The following STK38 variants were observed in gnomAD, a reference collection of about 807,000 sequenced individuals.
STK38 encodes the protein serine/threonine kinase 38.
Under a neutral mutation model 59.0 loss-of-function variants are expected in STK38, and 26 were observed. The ratio of observed to expected loss-of-function variants is 0.44; its 90% CI spans 0.32 to 0.61. The LOEUF (loss-of-function observed/expected upper bound fraction) is 0.61, where lower values mean the gene tolerates loss of function less well. Among genes scored for constraint, STK38 ranks in the 20% least tolerant of loss-of-function variants. The probability of loss-of-function intolerance (pLI) is 0.04; values close to 1 mark genes in which losing one functional copy is unlikely to be tolerated. For missense variants in STK38, 433 were observed against 566.0 expected, an observed-to-expected ratio of 0.76 and a Z score of 2.38; for synonymous variants, 175 against 176.6, an observed-to-expected ratio of 0.99 and a Z score of 0.07.
chr6:36,545,289 GAAAAAAA>G (rs58104312), intron 1 of STK38, among the ~76,000 whole-genome samples: 142 of 60,526 alleles, frequency 2.3e-3, no homozygotes, highest in Non-Finnish European at 3.6e-3. Flanking sequence ...ACTCCGTCTG[GAAAAAAA>G]AAAAAAAAAA....
At chr6:36,522,788 G>A (rs369248201) in intron 4 of STK38, among the ~76,000 whole-genome samples, 24 of 145,604 alleles carry the variant, frequency 1.6e-4, no homozygotes, top group African/African-American at 4.6e-4. Flanking sequence ...CCCGAGAGGC[G>A]GAGGTTGCAG....
rs1247108182 is a variant in STK38 at position 36,494,539 on chromosome 6, G to A, written c.*1245C>T. ...AGAAGGCACTTTGTGCTAAAATTCA[G>A]AGGGTCTCTCAAGAGAGAACGCCAC... On this transcript the variant is annotated 3_prime_UTR_variant, in exon 14 of 14. Transcript: ENST00000229812. 1 of 152,688 alleles carries A rather than the reference G, an allele frequency of 6.5e-6. No individual in the cohort carries two copies. Among genetic ancestry groups the A allele is most frequent in the African/African-American group, 2.4e-5 (1 of 41,466 alleles). 9.5% of individuals were successfully genotyped at this position (152,688 alleles called of 1,614,324 possible).
intron 10 of STK38, among the ~76,000 whole-genome samples, chr6:36,499,628 G>C (rs1341015590): frequency 1.3e-5 from 2 of 152,154 alleles, no homozygotes; most frequent in African/African-American, 2.4e-5. Flanking sequence ...AGATGGAGAA[G>C]ATGAAGGTAT....
intron 2 of STK38, among the ~76,000 whole-genome samples, chr6:36,536,492 C>A (rs996678467): frequency 5.9e-5 from 9 of 152,030 alleles, no homozygotes; most frequent in Non-Finnish European, 1.3e-4. Context: ...CATAGCAAGA[C>A]CTTGACTCTA....
rs375097543 is a variant in STK38 at position 36,521,829 on chromosome 6, T to C, written c.307-12A>G. 5 of 1,606,124 alleles carry C rather than the reference T, an allele frequency of 3.1e-6. No homozygotes were observed. In the African/African-American group the frequency reaches 5.4e-5, roughly 17 times the overall value. On this transcript the variant is annotated splice_polypyrimidine_tract_variant and intron_variant, in intron 4 of 13. Transcript: ENST00000229812. ...TGAACAAGCCGTACCTAAAAAGTTA[T>C]AAAAGAAATGCCAAGTCAAAAACTC...
chr6:36,498,356 C>T lies in STK38; in HGVS notation c.1076+7G>A. 1 of 1,609,574 alleles carries T rather than the reference C, an allele frequency of 6.2e-7. No individual in the cohort carries two copies. Among genetic ancestry groups the T allele is most frequent in the Non-Finnish European group, 8.5e-7 (1 of 1,178,978 alleles). On this transcript the variant is annotated splice_region_variant and intron_variant, in intron 11 of 13. Coordinates refer to ENST00000229812, the MANE Select transcript of STK38 (RefSeq NM_007271.4). The stretch of plus-strand genomic sequence containing the variant: ...GAGAAAGAAGGTGGAGGGATGTTCT[C>T]TAATACCTCAAAATTAGATCCTTGG...
Position 36,540,171 on chromosome 6 carries a change from G to T in STK38, c.32C>A (p.Ser11Tyr), listed in dbSNP as rs1777897499. Residue 11 changes from serine (S) to tyrosine (Y), a missense_variant, in exon 2 of 14, where the codon TCC becomes TAC. By Grantham distance (144) the Ser-to-Tyr change is moderately radical. Around this residue, in one of 3 missense-constraint regions of STK38, gnomAD observed 293 missense variants for 388.2 expected, o/e 0.75. Coordinates refer to ENST00000229812, the MANE Select transcript of STK38 (RefSeq NM_007271.4). ...CCTTTCCTTTGTGTGGTTACTCATGGATGAGCAAGGTGTTGAGCCTGTCAT... is the reference window on the plus strand; with the variant it reads ...CCTTTCCTTTGTGTGGTTACTCATGTATGAGCAAGGTGTTGAGCCTGTCAT... MAMTGSTPCSSMSNHTKERVT... is the reference protein window; with the variant it reads MAMTGSTPCSYMSNHTKERVT... 5.0e-6 allele frequency: 8 copies of T among 1,614,030 alleles called. No homozygotes were observed. The highest frequency in any genetic ancestry group is 5.9e-6 in the Non-Finnish European group (7 of 1,179,986).
intron 2 of STK38, among the ~76,000 whole-genome samples, chr6:36,531,555 G>A (rs1268692294): frequency 6.6e-6 from 1 of 152,124 alleles, no homozygotes; most frequent in Non-Finnish European, 1.5e-5. Flanking sequence ...TCCTAGAGAA[G>A]GTCACAACCA....
rs1483683618 is a variant in STK38, at chr6:36,496,770, CT to C, written c.1207del (p.Ser403AlafsTer49). ...RPAAISIEIK[S>X]IDDTSNFDEF... ...ATCGAAGTTTGAGGTATCATCAATG[CT>C]TTTGATTTCAATAGATATTGCAGCA... On this transcript the variant is annotated frameshift_variant, in exon 13 of 14. Transcript: ENST00000229812. LOFTEE classifies it high-confidence loss of function. 1 of 1,613,422 alleles carries C rather than the reference CT, an allele frequency of 6.2e-7. No individual in the cohort carries two copies. The highest frequency in any genetic ancestry group is 1.3e-5 in the African/African-American group (1 of 74,992).
chr6:36,497,938 C>CT (rs147832342), intron 11 of STK38, 63 bp from the exon 12 acceptor site: 30,049 of 652,764 alleles, frequency 0.046, 2 homozygotes, highest in Non-Finnish European at 0.054. Context: ...GAAAAACTTT[C>CT]TTTTTTTTTT....
At chr6:36,508,160 T>C (rs1454137788) in intron 7 of STK38, among the ~76,000 whole-genome samples, 1 of 152,114 alleles carries the variant, frequency 6.6e-6, no homozygotes, top group Non-Finnish European at 1.5e-5. Flanking sequence ...GGTCTCAAAC[T>C]CCTGAGGTCA....
intron 9 of STK38, 142 bp downstream of exon 9, chr6:36,506,441 C>T (rs1161822515): frequency 2.4e-6 from 2 of 823,764 alleles, no homozygotes; most frequent in Admixed American, 5.6e-5. Context: ...GTCCTACCAA[C>T]CTAACAACAG....
intron 11 of STK38, 106 bp downstream of exon 11, chr6:36,498,257 A>G (rs1561970640): frequency 1.1e-5 from 16 of 1,414,308 alleles, no homozygotes; most frequent in Non-Finnish European, 1.5e-5. Context: ...AGAGAGGAAT[A>G]GGAGGAAACA....
intron 2 of STK38, among the ~76,000 whole-genome samples, chr6:36,537,762 G>A (rs1777831216): frequency 6.6e-6 from 1 of 152,028 alleles, no homozygotes; most frequent in East Asian, 1.9e-4. Context: ...AGCCAAGCAT[G>A]GTGGCATGCA....
rs1397973875 is a variant in STK38, at chr6:36,534,718, AG to A, written c.131+5353del. The stretch of plus-strand genomic sequence containing the variant: ...ATAAGGAAACTGCCTCAACCTATAA[AG>A]GGCATCTTTAGTAAAACAGTGAGCA... On this transcript the variant is annotated intron_variant, in intron 2 of 13. Coordinates refer to ENST00000229812, the MANE Select transcript of STK38 (RefSeq NM_007271.4). 2.0e-5 allele frequency among the ~76,000 whole-genome samples: 3 copies of A among 152,266 alleles called. No homozygotes were observed. In the South Asian group the frequency reaches 6.2e-4, roughly 32 times the overall value.
intron 1 of STK38, among the ~76,000 whole-genome samples, chr6:36,543,613 CAGCAAAAAAGA>C (rs1777994043): frequency 6.6e-6 from 1 of 151,746 alleles, no homozygotes; most frequent in South Asian, 2.1e-4. Context: ...CCCACAGCTG[CAGCAAAAAAGA>C]ATCATGAGAG....
intron 1 of STK38, among the ~76,000 whole-genome samples, chr6:36,542,424 T>A (rs1490747370): frequency 1.3e-5 from 2 of 152,188 alleles, no homozygotes; most frequent in African/African-American, 2.4e-5. Flanking sequence ...TTCCTCATTT[T>A]ACACAAGAAA....
At chr6:36,512,145 C>T (rs1280352819) in intron 7 of STK38, among the ~76,000 whole-genome samples, 1 of 152,144 alleles carries the variant, frequency 6.6e-6, no homozygotes, top group Non-Finnish European at 1.5e-5. Context: ...TCAAGCCTAG[C>T]CTTTCAGGGA....
At chr6:36,507,977 A>C (rs1777008728) in intron 7 of STK38, among the ~76,000 whole-genome samples, 1 of 136,028 alleles carries the variant, frequency 7.4e-6, no homozygotes. Flanking sequence ...TGTGTCACCC[A>C]AACTGGAGTA....
Sources: gnomAD v4.1 joint callset for allele counts (sites outside exome capture counted in the v4.1 genomes callset) on GRCh38, gnomAD v4.1.1 for gene constraint, gnomAD v4.1.1 regional missense constraint, MANE v1.5 for transcripts, NCBI Gene and HGNC (gene_info 2026-07-23, HGNC 2026-07-21) for gene names.